The following TBC1D4 variants were observed in gnomAD, a reference collection of about 807,000 sequenced individuals.
TBC1D4 encodes the protein TBC1 domain family member 4, also known as TBC (Tre-2, BUB2, CDC16) domain-containing protein.
Under a neutral mutation model 142.5 loss-of-function variants are expected in TBC1D4, and 121 were observed. The observed-to-expected ratio is 0.85, with a 90% CI of 0.73 to 0.99. The LOEUF is 0.99. Ranked by LOEUF, TBC1D4 falls within the 50% of genes least tolerant of loss-of-function variation. TBC1D4 has a pLI of 0.00. For missense variants in TBC1D4, 1,475 were observed against 1,606.6 expected, an observed-to-expected ratio of 0.92 and a Z score of 1.40; for synonymous variants, 630 against 628.2, an observed-to-expected ratio of 1.00 and a Z score of -0.04.
intron 1 of TBC1D4, among the ~76,000 whole-genome samples, chr13:75,419,257 G>GTCTT (rs1593865896): frequency 6.6e-6 from 1 of 152,208 alleles, no homozygotes; most frequent in African/African-American, 2.4e-5. Flanking sequence ...TCTAAGAGGT[G>GTCTT]TCTTTAAGCA....
chr13:75,328,920 AC>A (rs1879506212), intron 8 of TBC1D4, among the ~76,000 whole-genome samples: 2 of 151,874 alleles, frequency 1.3e-5, no homozygotes, highest in South Asian at 4.2e-4. Context: ...GTGGTCATCA[AC>A]CCCCTCTCTT....
intron 1 of TBC1D4, among the ~76,000 whole-genome samples, chr13:75,417,848 A>T (rs776363502): frequency 1.3e-5 from 2 of 152,206 alleles, no homozygotes; most frequent in Admixed American, 6.5e-5. Context: ...AAGCTTGGAA[A>T]TCTGACAGTC....
At chr13:75,314,966 C>G (rs371737503) in intron 12 of TBC1D4, among the ~76,000 whole-genome samples, 1 of 151,308 alleles carries the variant, frequency 6.6e-6, no homozygotes, top group African/African-American at 2.4e-5. Context: ...GGCAACAGAG[C>G]GAGGCTCCAT....
intron 1 of TBC1D4, among the ~76,000 whole-genome samples, chr13:75,381,760 A>G (rs1389867043): frequency 6.6e-6 from 1 of 152,264 alleles, no homozygotes; most frequent in Non-Finnish European, 1.5e-5. Context: ...CTAGGCGCTA[A>G]GCATGCAAAC....
At chr13:75,385,569 T>C (rs1169586966) in intron 1 of TBC1D4, among the ~76,000 whole-genome samples, 2 of 152,332 alleles carry the variant, frequency 1.3e-5, no homozygotes, top group South Asian at 2.1e-4. Flanking sequence ...AGCAAATACA[T>C]GAACAATTTG....
At chr13:75,413,187 C>T (rs776929819) in intron 1 of TBC1D4, among the ~76,000 whole-genome samples, 26 of 151,592 alleles carry the variant, frequency 1.7e-4, no homozygotes, top group Non-Finnish European at 2.7e-4. Context: ...TTTTTTGAGA[C>T]GGAGTCTCCC....
At chr13:75,343,372 A>G (rs951938184) in intron 5 of TBC1D4, among the ~76,000 whole-genome samples, 6 of 152,346 alleles carry the variant, frequency 3.9e-5, no homozygotes, top group African/African-American at 1.4e-4. Flanking sequence ...AATGAGAACT[A>G]GAGGAAAAGT....
At chr13:75,413,612 G>A (rs1345882544) in intron 1 of TBC1D4, among the ~76,000 whole-genome samples, 1 of 152,098 alleles carries the variant, frequency 6.6e-6, no homozygotes, top group East Asian at 1.9e-4. Context: ...GGATACCCCT[G>A]ATAAACCTAG....
chr13:75,379,238 G>A (rs7322540), intron 1 of TBC1D4, among the ~76,000 whole-genome samples: 30,247 of 151,724 alleles, frequency 0.2, 3,267 homozygotes, highest in East Asian at 0.34. Flanking sequence ...TTACACAAAC[G>A]TGAATTTTTA....
intron 4 of TBC1D4, among the ~76,000 whole-genome samples, chr13:75,354,680 G>T (rs934802298): frequency 1.3e-5 from 2 of 152,076 alleles, no homozygotes; most frequent in African/African-American, 4.8e-5. Flanking sequence ...GTGAGGTGTG[G>T]GCGTGTAGGG....
At position 75,286,354 on chromosome 13, in the gene TBC1D4, T is replaced by C. The variant is rs914436257; in HGVS notation, c.*438A>G. On this transcript the variant is annotated 3_prime_UTR_variant, in exon 21 of 21. Coordinates refer to ENST00000377636, the MANE Select transcript of TBC1D4 (RefSeq NM_014832.5). ...ACATGCTGTTCTTTGGAGAAAAAAA[T>C]ACATTCATTTTTTTCAAGTATATTG... 1.2e-5 allele frequency: 2 copies of C among 161,112 alleles called. No individual in the cohort carries two copies. Among genetic ancestry groups the C allele is most frequent in the African/African-American group, 4.8e-5 (2 of 41,474 alleles). The allele number at this position is 161,112 out of a possible 1,614,324, so 10.0% of individuals were successfully genotyped here.
At chr13:75,309,611 T>G (rs1877534504) in intron 14 of TBC1D4, among the ~76,000 whole-genome samples, 2 of 152,226 alleles carry the variant, frequency 1.3e-5, no homozygotes, top group South Asian at 4.1e-4. Context: ...GACACTAAGA[T>G]AATGAACTTT....
intron 1 of TBC1D4, among the ~76,000 whole-genome samples, chr13:75,447,893 G>C (rs1210876378): frequency 6.6e-6 from 1 of 151,978 alleles, no homozygotes; most frequent in African/African-American, 2.4e-5. Context: ...CCTAGATAGG[G>C]CTGTCTAGTT....
intron 1 of TBC1D4, among the ~76,000 whole-genome samples, chr13:75,442,612 C>CT (rs1174940026): frequency 3.3e-5 from 5 of 151,818 alleles, no homozygotes; most frequent in Non-Finnish European, 7.4e-5. Context: ...AACCCCATCT[C>CT]TACTAAAAAT....
intron 1 of TBC1D4, among the ~76,000 whole-genome samples, chr13:75,410,423 G>C (rs181978554): frequency 4.4e-4 from 67 of 152,178 alleles, no homozygotes; most frequent in African/African-American, 1.6e-3. Flanking sequence ...AGCCCGTCAC[G>C]CTAATGAATT....
At chr13:75,389,015 A>C (rs1884329953) in intron 1 of TBC1D4, among the ~76,000 whole-genome samples, 1 of 152,196 alleles carries the variant, frequency 6.6e-6, no homozygotes, top group South Asian at 2.1e-4. Flanking sequence ...TATCTGCTTC[A>C]AATTATTATT....
At chr13:75,330,762 T>C (rs1366013124) in intron 8 of TBC1D4, among the ~76,000 whole-genome samples, 1 of 152,268 alleles carries the variant, frequency 6.6e-6, no homozygotes, top group Non-Finnish European at 1.5e-5. Flanking sequence ...TAGAACCTCA[T>C]CAAATTCTTT....
rs960956599 is a variant in TBC1D4, at chr13:75,351,370, A to AT, written c.1276-2069dup. Among the ~76,000 whole-genome samples, 19 of 151,906 alleles carry AT rather than the reference A, an allele frequency of 1.3e-4. 1 individual carries two copies. Among genetic ancestry groups the AT allele is most frequent in the Non-Finnish European group, 1.9e-4 (13 of 67,944 alleles). On this transcript the variant is annotated intron_variant, in intron 4 of 20. Transcript: ENST00000377636. ...TCCAATAAAGAATGGCATCAATCCTATTTTTTTGGGGGGGTATATATATAC... is the reference window on the plus strand; with the variant it reads ...TCCAATAAAGAATGGCATCAATCCTATTTTTTTTGGGGGGGTATATATATAC...
chr13:75,341,730 C>A (rs1880723229), intron 5 of TBC1D4, 143 bp from the exon 6 acceptor site: 5 of 708,106 alleles, frequency 7.1e-6, no homozygotes, highest in Non-Finnish European at 1.3e-5. Flanking sequence ...CTACAAGAAA[C>A]CTTGGAATAC....
Sources: allele counts gnomAD v4.1 joint callset (sites outside exome capture counted in the v4.1 genomes callset), GRCh38; gene constraint gnomAD v4.1.1; transcripts MANE v1.5; gene names NCBI Gene and HGNC (gene_info 2026-07-23, HGNC 2026-07-21).